Variants in ATP9B observed in about 807,000 individuals in gnomAD.
ATP9B encodes the protein probable phospholipid-transporting ATPase IIB.
Under a neutral mutation model 146.1 loss-of-function variants are expected in ATP9B, and 110 were observed. The ratio of observed to expected loss-of-function variants is 0.75; its 90% confidence interval spans 0.65 to 0.88. ATP9B has a LOEUF of 0.88. Among genes scored for constraint, ATP9B ranks in the 40% least tolerant of loss-of-function variants. The pLI, the probability that ATP9B is intolerant of heterozygous loss-of-function variation, is 0.00. For missense variants in ATP9B, 1,499 were observed against 1,496.4 expected, an observed-to-expected ratio of 1.00 and a Z score of -0.03; for synonymous variants, 604 against 569.7, an observed-to-expected ratio of 1.06 and a Z score of -0.86.
At chr18:79,158,038 C>T (rs1178332683) in intron 7 of ATP9B, among the ~76,000 whole-genome samples, 2 of 151,804 alleles carry the variant, frequency 1.3e-5, no homozygotes, top group Non-Finnish European at 2.9e-5. Context: ...TTGTTTTCTT[C>T]CTTCCACTTA....
chr18:79,261,374 G>T (rs2096139745), intron 12 of ATP9B, among the ~76,000 whole-genome samples: 1 of 152,094 alleles, frequency 6.6e-6, no homozygotes, highest in African/African-American at 2.4e-5. Flanking sequence ...ATTAGAGTAG[G>T]CCCTCATTGC....
At chr18:79,369,087 C>A (rs2097053261) in intron 26 of ATP9B, among the ~76,000 whole-genome samples, 1 of 152,208 alleles carries the variant, frequency 6.6e-6, no homozygotes, top group Non-Finnish European at 1.5e-5. Flanking sequence ...TCCCAAACTT[C>A]TCTCAAATAA....
intron 1 of ATP9B, among the ~76,000 whole-genome samples, chr18:79,071,398 C>CTTT (rs747150962): frequency 1.3e-4 from 3 of 22,412 alleles, no homozygotes; most frequent in African/African-American, 3.1e-4. Context: ...TATTGTTCTT[C>CTTT]CTTTTTTTTT....
intron 10 of ATP9B, among the ~76,000 whole-genome samples, chr18:79,213,160 T>A (rs764833438): frequency 3.9e-4 from 60 of 152,156 alleles, no homozygotes; most frequent in Non-Finnish European, 7.8e-4. Flanking sequence ...TTGCACATTA[T>A]GTGTATATAC....
chr18:79,220,672 A>T (rs2095668756), intron 11 of ATP9B, among the ~76,000 whole-genome samples: 1 of 152,240 alleles, frequency 6.6e-6, no homozygotes, highest in Non-Finnish European at 1.5e-5. Flanking sequence ...CAAATTGAGC[A>T]TCATTTCACA....
At chr18:79,265,212 G>C (rs2096190087) in intron 12 of ATP9B, among the ~76,000 whole-genome samples, 1 of 152,162 alleles carries the variant, frequency 6.6e-6, no homozygotes, top group African/African-American at 2.4e-5. Context: ...TAAGGATAAT[G>C]GCCTCCAGTT....
At chr18:79,201,382 C>G (rs1419987677) in intron 9 of ATP9B, among the ~76,000 whole-genome samples, 1 of 152,142 alleles carries the variant, frequency 6.6e-6, no homozygotes, top group Non-Finnish European at 1.5e-5. Flanking sequence ...ATCCACTTAT[C>G]TTCCTTTTTT....
At position 79,309,574 on chromosome 18, in the gene ATP9B, C is replaced by T. The variant is rs867921353; in HGVS notation, c.1773+2340C>T. On this transcript the variant is annotated intron_variant, in intron 15 of 29. Transcript: ENST00000426216. ...TCCCCAGCAGGTAGAAGGTCAGGGGCTGAGGAGTGATCCCCAGCAGGTAGA... is the reference window on the plus strand; with the variant it reads ...TCCCCAGCAGGTAGAAGGTCAGGGGTTGAGGAGTGATCCCCAGCAGGTAGA... 8.4e-3 allele frequency among the ~76,000 whole-genome samples: 663 copies of T among 79,100 alleles called. 5 individuals are homozygous for T. Among genetic ancestry groups the T allele is most frequent in the African/African-American group, 0.033 (629 of 19,282 alleles). 51.9% of individuals were successfully genotyped at this position (79,100 alleles called of 152,430 possible).
At chr18:79,250,038 A>G (rs2096007605) in intron 11 of ATP9B, among the ~76,000 whole-genome samples, 1 of 152,238 alleles carries the variant, frequency 6.6e-6, no homozygotes, top group Non-Finnish European at 1.5e-5. Flanking sequence ...AAGACAACAT[A>G]TACTTGGCTT....
intron 1 of ATP9B, among the ~76,000 whole-genome samples, chr18:79,079,994 A>C (rs1456668186): frequency 6.6e-6 from 1 of 152,140 alleles, no homozygotes; most frequent in Non-Finnish European, 1.5e-5. Context: ...CTTTTCTGTT[A>C]CATTGGTCTA....
Position 79,220,481 on chromosome 18 carries a change from G to A in ATP9B, c.1107+6443G>A, listed in dbSNP as rs2095667023. Among the ~76,000 whole-genome samples the A allele has an allele frequency of 2.0e-5, 3 of 152,058 alleles. No homozygotes were observed. In the South Asian group the frequency reaches 6.2e-4, roughly 32 times the overall value. ...CTGGGCGTGGTGGCATGTGCCTGTA[G>A]TACCAGCTACTCAGGAGGCTGAGGT... is the stretch of plus-strand genomic sequence containing the variant. On this transcript the variant is annotated intron_variant, in intron 11 of 29. Coordinates refer to ENST00000426216, the MANE Select transcript of ATP9B (RefSeq NM_198531.5).
Position 79,239,221 on chromosome 18 carries a change from G to T in ATP9B, c.1108-14160G>T, listed in dbSNP as rs2095868328. On this transcript the variant is annotated intron_variant, in intron 11 of 29. Transcript: ENST00000426216. The surrounding 1 kb of genome is among the most constrained non-coding windows in gnomAD (Gnocchi z 5.1). ...AGGGAGGTGTCTGGGGCGAGACAGG[G>T]CCTGGCCCTGGTGGACTGTGGACTG... Among the ~76,000 whole-genome samples the T allele has an allele frequency of 6.6e-6, 1 of 152,208 alleles. No homozygotes were observed. The highest frequency in any genetic ancestry group is 2.4e-5 in the African/African-American group (1 of 41,446).
chr18:79,267,826 A>G (rs1371210890), intron 12 of ATP9B, among the ~76,000 whole-genome samples: 1 of 152,010 alleles, frequency 6.6e-6, no homozygotes, highest in African/African-American at 2.4e-5. Flanking sequence ...TTGCATTCCC[A>G]ATTGTTGGTC....
intron 7 of ATP9B, among the ~76,000 whole-genome samples, chr18:79,163,765 T>C (rs534598217): frequency 1.9e-4 from 29 of 152,228 alleles, no homozygotes; most frequent in Non-Finnish European, 2.9e-5. Context: ...TATAATATAA[T>C]ATATGTCTCT....
intron 10 of ATP9B, among the ~76,000 whole-genome samples, chr18:79,207,409 G>A (rs1205297460): frequency 6.6e-6 from 1 of 152,214 alleles, no homozygotes; most frequent in East Asian, 1.9e-4. Flanking sequence ...GAGGAGAGTG[G>A]CTGAAGTGAC....
At chr18:79,205,112 A>G (rs1206993264) in intron 9 of ATP9B, among the ~76,000 whole-genome samples, 1 of 152,188 alleles carries the variant, frequency 6.6e-6, no homozygotes, top group Non-Finnish European at 1.5e-5. Context: ...GCATTGCAGG[A>G]CACTTCCTAA....
intron 11 of ATP9B, among the ~76,000 whole-genome samples, chr18:79,216,463 A>G (rs1436891329): frequency 6.6e-6 from 1 of 152,192 alleles, no homozygotes; most frequent in Non-Finnish European, 1.5e-5. Context: ...TGCTCTTAGG[A>G]AAGTACTTGC....
intron 15 of ATP9B, among the ~76,000 whole-genome samples, chr18:79,328,027 G>GTGCTCTCCGTGGTTAGCA: frequency 1.3e-5 from 2 of 149,952 alleles, no homozygotes; most frequent in African/African-American, 2.5e-5. Flanking sequence ...CGTGGTTAGC[G>GTGCTCTCCGTGGTTAGCA]TGCTCTCCGT....
chr18:79,074,189 C>T (rs1316946373), intron 1 of ATP9B, among the ~76,000 whole-genome samples: 1 of 152,066 alleles, frequency 6.6e-6, no homozygotes. Flanking sequence ...TCTGTTGGTG[C>T]TGCGTGAGAG....
Sources: allele counts gnomAD v4.1 joint callset (sites outside exome capture counted in the v4.1 genomes callset), GRCh38; gene constraint gnomAD v4.1.1; non-coding constraint Gnocchi (gnomAD v3.1); transcripts MANE v1.5; gene names NCBI Gene and HGNC (gene_info 2026-07-23, HGNC 2026-07-21).